The following SP6 variants were observed in gnomAD, a reference collection of about 807,000 sequenced individuals.
The protein encoded by SP6 is Sp6 transcription factor.
In SP6, 10 loss-of-function variants were observed where a neutral mutation model predicts 23.4. The ratio of observed to expected loss-of-function variants is 0.43; its 90% CI spans 0.26 to 0.72. The LOEUF is 0.72. Ranked by LOEUF, SP6 falls within the 30% of genes least tolerant of loss-of-function variation. SP6 has a pLI of 0.23. For synonymous variants in SP6, 238 were observed against 238.7 expected (o/e 1.00, Z 0.03); for missense variants, 482 against 523.8 (o/e 0.92, Z 0.78).
the SP6 span, among the ~76,000 whole-genome samples, chr17:47,871,058 G>C: frequency 6.6e-6 from 1 of 152,092 alleles, no homozygotes; most frequent in Non-Finnish European, 1.5e-5. Context: ...AGTATTCCAG[G>C]GATTTTTGTT....
upstream of SP6, among the ~76,000 whole-genome samples, chr17:47,857,971 C>CA (rs563962222): frequency 3.0e-4 from 45 of 151,962 alleles, no homozygotes; most frequent in African/African-American, 1.1e-3. Context: ...CGCCAGCCCT[C>CA]GGATCTCAGG....
upstream of SP6, among the ~76,000 whole-genome samples, chr17:47,854,036 C>T (rs116861116): frequency 6.6e-6 from 1 of 152,302 alleles, no homozygotes; most frequent in East Asian, 1.9e-4. Context: ...CAAAATTGAA[C>T]AACACAGCCC....
the SP6 span, among the ~76,000 whole-genome samples, chr17:47,875,148 A>G: frequency 8.6e-5 from 13 of 151,820 alleles, no homozygotes; most frequent in Non-Finnish European, 1.0e-4. Flanking sequence ...CCAGCTTCTT[A>G]CCACCCTCAT....
At chr17:47,875,290 G>T in the SP6 span, among the ~76,000 whole-genome samples, 2 of 152,172 alleles carry the variant, frequency 1.3e-5, no homozygotes, top group Non-Finnish European at 2.9e-5. Flanking sequence ...CATCAGAGCT[G>T]CCCTTGCCAC....
rs775924768 is a variant in SP6, at chr17:47,847,332, G to C, written c.1098C>G (p.Arg366=). 1.9e-6 allele frequency: 3 copies of C among 1,585,028 alleles called. No individual in the cohort carries two copies. The highest frequency in any genetic ancestry group is 2.6e-6 in the Non-Finnish European group (3 of 1,165,610). ...AGGGAGCCACGCTGCCCTCGGCCTC[G>C]CGTTTGCCTTTGCCCCCGGGGGGCT... is the stretch of plus-strand genomic sequence containing the variant. The part of the protein sequence containing the change: ...AVEPPGGKGK[R]EAEGSVAPSN The change falls in exon 2 of 2, where the codon CGC becomes CGG. Residue 366 remains arginine, a synonymous_variant. Transcript: ENST00000536300.
chr17:47,861,146 G>T, the SP6 span, among the ~76,000 whole-genome samples: 2 of 152,196 alleles, frequency 1.3e-5, no homozygotes, highest in African/African-American at 2.4e-5. Flanking sequence ...TGATTGAGGG[G>T]TTGGCTCTGA....
At chr17:47,874,384 C>A in the SP6 span, among the ~76,000 whole-genome samples, 2 of 152,108 alleles carry the variant, frequency 1.3e-5, no homozygotes, top group Non-Finnish European at 1.5e-5. Flanking sequence ...AGCCACCACA[C>A]CCAGCCTCAT....
chr17:47,858,030 A>T (rs373435470), upstream of SP6, among the ~76,000 whole-genome samples: 2 of 151,726 alleles, frequency 1.3e-5, no homozygotes, highest in African/African-American at 2.4e-5. Context: ...TCAGCGGCTC[A>T]GACTCCCAGA....
chr17:47,853,152 G>A (rs1264597450), upstream of SP6, among the ~76,000 whole-genome samples: 2 of 152,214 alleles, frequency 1.3e-5, no homozygotes, highest in Non-Finnish European at 2.9e-5. Flanking sequence ...TTTGGAAGCC[G>A]GAGATGCCGC....
chr17:47,865,244 G>A, the SP6 span: 8 of 152,292 alleles, frequency 5.3e-5, no homozygotes, highest in African/African-American at 1.9e-4. Flanking sequence ...TGCAGGAGGA[G>A]GGGAAACATT....
the SP6 span, among the ~76,000 whole-genome samples, chr17:47,870,427 C>G: frequency 1.3e-5 from 2 of 152,060 alleles, no homozygotes; most frequent in East Asian, 1.9e-4. Flanking sequence ...AAATGACATC[C>G]CTGCTTCTTT....
rs1555635904 is a variant in SP6 at position 47,845,467 on chromosome 17, A to G, written c.*1832T>C. On this transcript the variant is annotated 3_prime_UTR_variant, in exon 2 of 2. Transcript: ENST00000536300. ...CCCCAGGCCAATGAGTTCCTCGGGA[A>G]GGTCATCCTGTCCCTTTTAAGGAGG... 6.6e-6 allele frequency: 1 copy of G among 152,316 alleles called. No homozygotes were observed. The highest frequency in any genetic ancestry group is 1.5e-5 in the Non-Finnish European group (1 of 68,032). 9.4% of individuals were successfully genotyped at this position (152,316 alleles called of 1,614,324 possible).
chr17:47,875,332 T>A, the SP6 span, among the ~76,000 whole-genome samples: 1 of 151,884 alleles, frequency 6.6e-6, no homozygotes, highest in Non-Finnish European at 1.5e-5. Flanking sequence ...TGTTCCGCAG[T>A]CCCCCCCAAG....
chr17:47,849,413 G>A (rs1365031660), intron 1 of SP6, among the ~76,000 whole-genome samples: 1 of 152,200 alleles, frequency 6.6e-6, no homozygotes, highest in Non-Finnish European at 1.5e-5. Context: ...TGCAGGAAGA[G>A]GAGGGCAACA....
upstream of SP6, among the ~76,000 whole-genome samples, chr17:47,860,421 G>A (rs4794204): frequency 0.12 from 18,487 of 152,236 alleles, 1,402 homozygotes; most frequent in Middle Eastern, 0.21. Flanking sequence ...TGAGGGACTG[G>A]AAATTTCTGT....
In SP6 at chr17:47,847,804, G is replaced by A. The variant is rs961465388; in HGVS notation, c.626C>T (p.Ala209Val). 3 of 1,534,434 alleles carry A rather than the reference G, an allele frequency of 2.0e-6. No homozygotes were observed. Among genetic ancestry groups the A allele is most frequent in the South Asian group, 2.6e-5 (2 of 78,068 alleles). ...SQGLDSSLDG[A>V]ARPKGSRRSV... ...CCGCCGGGAGCCTTTGGGACGCGCC[G>A]CCCCGTCCAGGCTGGAATCCAGCCC... is the stretch of plus-strand genomic sequence containing the variant. The change falls in exon 2 of 2, where the codon GCG becomes GTG. Residue 209 changes from alanine to valine, a missense_variant. This residue lies in a region of SP6 where 330 missense variants were observed against 332.3 expected (regional missense o/e 0.99). Transcript: ENST00000536300.
chr17:47,875,856 CTT>C, the SP6 span, among the ~76,000 whole-genome samples: 1 of 152,148 alleles, frequency 6.6e-6, no homozygotes, highest in African/African-American at 2.4e-5. Context: ...GATCTTTTTC[CTT>C]CTCTCTGATC....
At chr17:47,875,697 G>A in the SP6 span, among the ~76,000 whole-genome samples, 1 of 152,254 alleles carries the variant, frequency 6.6e-6, no homozygotes. Flanking sequence ...ACCGAGGGTG[G>A]AGAGAAGTGC....
At chr17:47,869,698 G>A in the SP6 span, among the ~76,000 whole-genome samples, 3 of 152,304 alleles carry the variant, frequency 2.0e-5, no homozygotes, top group African/African-American at 7.2e-5. Context: ...AGTCAGAATA[G>A]AGATTCCTTA....
Sources: allele counts gnomAD v4.1 joint callset (sites outside exome capture counted in the v4.1 genomes callset), GRCh38; gene constraint gnomAD v4.1.1; regional missense constraint gnomAD v4.1.1; transcripts MANE v1.5; gene names NCBI Gene and HGNC (gene_info 2026-07-23, HGNC 2026-07-21).